The following LHFPL4 variants were observed in gnomAD, a reference collection of about 807,000 sequenced individuals.
The protein encoded by LHFPL4 is LHFPL tetraspan subfamily member 4, also known as LHFPL tetraspan subfamily member 4 protein.
LHFPL4 carries 6 observed loss-of-function variants against 20.0 expected under a neutral mutation model. That is an observed-to-expected ratio of 0.30 (90% confidence interval 0.16 to 0.59). The LOEUF is 0.59. Among genes scored for constraint, LHFPL4 ranks in the 20% least tolerant of loss-of-function variants. The probability of loss-of-function intolerance (pLI) is 0.88; values close to 1 mark genes in which losing one functional copy is unlikely to be tolerated. For synonymous variants in LHFPL4, 129 were observed against 143.8 expected (o/e 0.90, Z 0.74); for missense variants, 215 against 331.2 (o/e 0.65, Z 2.72).
chr3:9,523,983 T>TC (rs373024482), intron 2 of LHFPL4, among the ~76,000 whole-genome samples: 7,515 of 134,018 alleles, frequency 0.056, 281 homozygotes, highest in African/African-American at 0.097. Flanking sequence ...GGCTAGTATT[T>TC]CCCCCCCCCC....
intron 2 of LHFPL4, among the ~76,000 whole-genome samples, chr3:9,524,619 A>G (rs953989694): frequency 2.6e-5 from 4 of 151,922 alleles, no homozygotes; most frequent in African/African-American, 4.8e-5. Context: ...TAGTATTTCC[A>G]TCTCTCTGCT....
intron 2 of LHFPL4, among the ~76,000 whole-genome samples, chr3:9,543,244 G>A (rs2046488969): frequency 1.3e-5 from 2 of 151,956 alleles, no homozygotes; most frequent in South Asian, 2.1e-4. Flanking sequence ...GCTCACGCCT[G>A]TAATCCCAGC....
At chr3:9,546,116 C>A (rs1021295094) in intron 2 of LHFPL4, among the ~76,000 whole-genome samples, 2 of 151,914 alleles carry the variant, frequency 1.3e-5, no homozygotes, top group Non-Finnish European at 2.9e-5. Flanking sequence ...CAGTTCGAGA[C>A]CAGCCTGGCC....
intron 2 of LHFPL4, among the ~76,000 whole-genome samples, chr3:9,530,243 A>C (rs768581604): frequency 2.6e-5 from 4 of 152,138 alleles, no homozygotes; most frequent in Non-Finnish European, 5.9e-5. Flanking sequence ...TTCCAACAGA[A>C]GGCTGTTTCA....
rs544789989 is a variant in LHFPL4 at position 9,531,756 on chromosome 3, G to C, written c.406+20518C>G. Reference sequence around the variant, plus strand: ...CGGGAGGCTGCAGTGAGCCAAGATGGGCCACTGCACTCCAGCCTGGGTAAC... The same window carrying C: ...CGGGAGGCTGCAGTGAGCCAAGATGCGCCACTGCACTCCAGCCTGGGTAAC... On this transcript the variant is annotated intron_variant, in intron 2 of 3. Coordinates refer to ENST00000287585, the MANE Select transcript of LHFPL4 (RefSeq NM_198560.3). 4.6e-5 allele frequency among the ~76,000 whole-genome samples: 7 copies of C among 151,586 alleles called. No homozygotes were observed. The East Asian group carries it at 1.4e-3, about 30-fold the overall frequency.
At chr3:9,551,429 T>C (rs2046553466) in intron 2 of LHFPL4, among the ~76,000 whole-genome samples, 2 of 146,676 alleles carry the variant, frequency 1.4e-5, no homozygotes, top group East Asian at 4.4e-4. Flanking sequence ...GTCTTCAAAA[T>C]CTATCTCTGA....
chr3:9,516,595 T>C (rs148325086), intron 2 of LHFPL4, among the ~76,000 whole-genome samples: 3,643 of 151,932 alleles, frequency 0.024, 151 homozygotes, highest in African/African-American at 0.084. Context: ...AGCCTCAGCC[T>C]CCTGAGTAGC....
intron 3 of LHFPL4, among the ~76,000 whole-genome samples, chr3:9,504,695 G>A (rs1429388482): frequency 6.6e-6 from 1 of 151,696 alleles, no homozygotes; most frequent in African/African-American, 2.4e-5. Context: ...CGTGGTGGCG[G>A]GTGCCTGTAG....
At chr3:9,539,292 A>G (rs2046462868) in intron 2 of LHFPL4, among the ~76,000 whole-genome samples, 2 of 151,714 alleles carry the variant, frequency 1.3e-5, no homozygotes, top group Non-Finnish European at 2.9e-5. Flanking sequence ...CATCTCGACT[A>G]AAAAATACAA....
intron 2 of LHFPL4, among the ~76,000 whole-genome samples, chr3:9,535,407 T>C (rs1220098105): frequency 5.9e-5 from 9 of 152,180 alleles, no homozygotes; most frequent in Admixed American, 5.2e-4. Context: ...AACTGGTAAG[T>C]TGCAGGATTT....
At chr3:9,532,647 T>TG (rs2046417309) in intron 2 of LHFPL4, among the ~76,000 whole-genome samples, 1 of 152,198 alleles carries the variant, frequency 6.6e-6, no homozygotes, top group African/African-American at 2.4e-5. Flanking sequence ...TGCTTATCTT[T>TG]TTAATAGGGT....
intron 2 of LHFPL4, among the ~76,000 whole-genome samples, chr3:9,519,561 T>C (rs1206502855): frequency 1.3e-5 from 2 of 152,156 alleles, no homozygotes; most frequent in African/African-American, 2.4e-5. Flanking sequence ...TCTCTCTCGT[T>C]CTTTCTCTCT....
chr3:9,513,784 T>A (rs1401201758), intron 2 of LHFPL4, among the ~76,000 whole-genome samples: 3 of 152,234 alleles, frequency 2.0e-5, no homozygotes, highest in Non-Finnish European at 4.4e-5. Flanking sequence ...GGCAAGTCCC[T>A]TCACCTCTTG....
chr3:9,512,228 C>A (rs991616620), intron 2 of LHFPL4, among the ~76,000 whole-genome samples: 1 of 152,000 alleles, frequency 6.6e-6, no homozygotes, highest in Non-Finnish European at 1.5e-5. Context: ...ACCGCGCCGG[C>A]CTACATGGCA....
chr3:9,508,264 C>T (rs2046232843), intron 2 of LHFPL4, among the ~76,000 whole-genome samples: 1 of 152,158 alleles, frequency 6.6e-6, no homozygotes, highest in African/African-American at 2.4e-5. Flanking sequence ...TCCTCCTCCT[C>T]TCCCCAACAC....
At chr3:9,513,176 G>A (rs1273473547) in intron 2 of LHFPL4, among the ~76,000 whole-genome samples, 1 of 152,172 alleles carries the variant, frequency 6.6e-6, no homozygotes, top group Non-Finnish European at 1.5e-5. Flanking sequence ...TAACCAGGAT[G>A]GTCTCGATCT....
intron 2 of LHFPL4, among the ~76,000 whole-genome samples, chr3:9,534,231 TA>T (rs1426922463): frequency 6.8e-6 from 1 of 147,088 alleles, no homozygotes; most frequent in Non-Finnish European, 1.5e-5. Flanking sequence ...AAAAAAAAAG[TA>T]GGGGGGTTGC....
chr3:9,518,512 A>G (rs1430374025), intron 2 of LHFPL4, among the ~76,000 whole-genome samples: 1 of 152,196 alleles, frequency 6.6e-6, no homozygotes, highest in African/African-American at 2.4e-5. Flanking sequence ...GTTTGGCAGA[A>G]TTCACCAGTG....
chr3:9,532,471 G>C lies in LHFPL4; in HGVS notation c.406+19803C>G, dbSNP rs111546055. On this transcript the variant is annotated intron_variant, in intron 2 of 3. Coordinates refer to ENST00000287585, the MANE Select transcript of LHFPL4 (RefSeq NM_198560.3). ...TCCTCCTGCCTCAGCCTCCCCAGTAGCTGGGACTAGAGGCACAAGCCACCA... is the reference window on the plus strand; with the variant it reads ...TCCTCCTGCCTCAGCCTCCCCAGTACCTGGGACTAGAGGCACAAGCCACCA... Among the ~76,000 whole-genome samples, 9 of 152,270 alleles carry C rather than the reference G, an allele frequency of 5.9e-5. 1 individual carries two copies. The highest frequency in any genetic ancestry group is 1.9e-4 in the African/African-American group (8 of 41,552).
Sources: gnomAD v4.1 joint callset for allele counts (sites outside exome capture counted in the v4.1 genomes callset) on GRCh38, gnomAD v4.1.1 for gene constraint, MANE v1.5 for transcripts, NCBI Gene and HGNC (gene_info 2026-07-23, HGNC 2026-07-21) for gene names.